The following TMEM156 variants were observed in gnomAD, a reference collection of about 807,000 sequenced individuals.
The protein encoded by TMEM156 is transmembrane protein 156.
TMEM156 carries 28 observed loss-of-function variants against 30.5 expected under a neutral mutation model. That is an observed-to-expected ratio of 0.92 (90% CI 0.68 to 1.26). The LOEUF (loss-of-function observed/expected upper bound fraction) is 1.26, where lower values mean the gene tolerates loss of function less well. Among genes scored for constraint, TMEM156 ranks in the 50% most tolerant of loss-of-function variants. TMEM156 has a pLI of 0.00. For synonymous variants in TMEM156, 137 were observed against 119.9 expected (o/e 1.14, Z -0.93); for missense variants, 351 against 340.6 (o/e 1.03, Z -0.24).
intron 1 of TMEM156, among the ~76,000 whole-genome samples, chr4:39,016,891 C>A (rs1290629878): frequency 6.6e-6 from 1 of 152,140 alleles, no homozygotes; most frequent in Non-Finnish European, 1.5e-5. Context: ...TTAAGTTCCA[C>A]ATGGCTGGGG....
chr4:39,005,598 C>G (rs1713675285), intron 1 of TMEM156, among the ~76,000 whole-genome samples: 1 of 147,338 alleles, frequency 6.8e-6, no homozygotes, highest in Admixed American at 6.6e-5. Context: ...CAAGAAGAAA[C>G]TTTTAGGAGT....
At chr4:38,992,713 T>TATATATATA (rs1712586410) in intron 3 of TMEM156, among the ~76,000 whole-genome samples, 5 of 46,642 alleles carry the variant, frequency 1.1e-4, no homozygotes, top group African/African-American at 2.8e-4. Context: ...ATATATATAT[T>TATATATATA]ATATATATAT....
chr4:39,015,012 C>T (rs990878554), intron 1 of TMEM156, among the ~76,000 whole-genome samples: 4 of 152,130 alleles, frequency 2.6e-5, no homozygotes, highest in African/African-American at 7.2e-5. Flanking sequence ...TGTTGTAAAA[C>T]TCTTGAGCTT....
chr4:39,023,374 C>T (rs910680628), intron 1 of TMEM156, among the ~76,000 whole-genome samples: 7 of 152,200 alleles, frequency 4.6e-5, no homozygotes, highest in African/African-American at 1.4e-4. Flanking sequence ...CTGACACAAA[C>T]ATTTGTACAA....
chr4:38,999,067 C>T (rs1019816733), intron 1 of TMEM156, among the ~76,000 whole-genome samples, 158 bp from the exon 2 acceptor site: 4 of 150,998 alleles, frequency 2.6e-5, no homozygotes, highest in African/African-American at 7.3e-5. Context: ...TTAACAATAA[C>T]TATTCCATTT....
intron 5 of TMEM156, among the ~76,000 whole-genome samples, chr4:38,976,044 C>T (rs546784338): frequency 1.6e-4 from 24 of 151,800 alleles, no homozygotes; most frequent in Non-Finnish European, 2.5e-4. Context: ...CCCAGCACTT[C>T]GGGAGGCCAA....
chr4:39,000,905 A>T (rs145253454), intron 1 of TMEM156, among the ~76,000 whole-genome samples: 14 of 152,262 alleles, frequency 9.2e-5, no homozygotes, highest in Admixed American at 3.3e-4. Context: ...TAATTTAATT[A>T]AATTAAATGC....
rs1056239426 is a variant in TMEM156, at chr4:38,967,016, G to C, written c.*664C>G. The C allele has an allele frequency of 6.6e-6, 1 of 151,902 alleles. No homozygotes were observed. Among genetic ancestry groups the C allele is most frequent in the Admixed American group, 6.6e-5 (1 of 15,246 alleles). 9.4% of individuals were successfully genotyped at this position (151,902 alleles called of 1,614,324 possible). A position where few individuals can be genotyped will look rare whatever the true frequency, so the allele number is the denominator to read the frequency against. On this transcript the variant is annotated 3_prime_UTR_variant, in exon 7 of 7. Coordinates refer to ENST00000381938, the MANE Select transcript of TMEM156 (RefSeq NM_024943.3). The stretch of plus-strand genomic sequence containing the variant: ...AGGGTTTCACCATGTTGGCCAGGAT[G>C]GTCTCGATCCCTTGACCTCATGATC...
At chr4:39,018,682 T>A (rs895576137) in intron 1 of TMEM156, among the ~76,000 whole-genome samples, 2 of 152,200 alleles carry the variant, frequency 1.3e-5, no homozygotes, top group Non-Finnish European at 2.9e-5. Context: ...AGACTATTGT[T>A]CCTTTAAACT....
At chr4:38,988,552 T>C (rs1712168870) in intron 4 of TMEM156, among the ~76,000 whole-genome samples, 1 of 152,126 alleles carries the variant, frequency 6.6e-6, no homozygotes. Flanking sequence ...TATCCCCACT[T>C]CCTGTTCTTC....
intron 4 of TMEM156, among the ~76,000 whole-genome samples, chr4:38,986,853 G>GAAAAAAAAAAAAAAAAAAAAAAAAA (rs1712036216): frequency 2.4e-5 from 2 of 84,072 alleles, no homozygotes; most frequent in South Asian, 4.2e-4. Flanking sequence ...AAAAAAAAAG[G>GAAAAAAAAAAAAAAAAAAAAAAAAA]AAAGCGACAG....
intron 1 of TMEM156, among the ~76,000 whole-genome samples, chr4:39,026,551 C>G (rs1017812728): frequency 6.6e-6 from 1 of 152,016 alleles, no homozygotes; most frequent in Non-Finnish European, 1.5e-5. Context: ...TTGCCAACAC[C>G]TAGTGCCTAA....
At position 38,981,617 on chromosome 4, in the gene TMEM156, T is replaced by A. The variant is rs1034974784; in HGVS notation, c.823+4719A>T. The stretch of plus-strand genomic sequence containing the variant: ...AGTGCATCAGTTGGACAGAACTGAG[T>A]TTGAACCCTGGCTCTGTTAGAAACC... On this transcript the variant is annotated intron_variant, in intron 5 of 6. Coordinates refer to ENST00000381938, the MANE Select transcript of TMEM156 (RefSeq NM_024943.3). Among the ~76,000 whole-genome samples the A allele has an allele frequency of 1.3e-5, 2 of 152,162 alleles. 1 individual carries two copies.
chr4:38,972,242 A>ATTTTTTTTTTT lies in TMEM156; in HGVS notation c.824-1116_824-1106dup, dbSNP rs144479056. On this transcript the variant is annotated intron_variant, in intron 5 of 6. Transcript: ENST00000381938. The stretch of plus-strand genomic sequence containing the variant: ...AAATACTGTAGAACCTTCTCTGGGA[A>ATTTTTTTTTTT]TTTTTTTTTTTTTTTTTTTTTTTTT... Among the ~76,000 whole-genome samples, 536 of 75,848 alleles carry ATTTTTTTTTTT rather than the reference A, an allele frequency of 7.1e-3. 14 individuals are homozygous for ATTTTTTTTTTT. Among genetic ancestry groups the ATTTTTTTTTTT allele is most frequent in the East Asian group, 0.019 (44 of 2,294 alleles). The allele number at this position is 75,848 out of a possible 152,430, so 49.8% of individuals were successfully genotyped here. A position where few individuals can be genotyped will look rare whatever the true frequency, so the allele number is the denominator to read the frequency against.
chr4:38,972,564 T>C lies in TMEM156; in HGVS notation c.824-1427A>G, dbSNP rs187846342. Among the ~76,000 whole-genome samples, 1,008 of 151,956 alleles carry C rather than the reference T, an allele frequency of 6.6e-3. 1 individual carries two copies. The highest frequency in any genetic ancestry group is 0.024 in the Middle Eastern group (7 of 294). On this transcript the variant is annotated intron_variant, in intron 5 of 6. Transcript: ENST00000381938. ...CCATTCCCTGCCTCTTTCTTTCTTT[T>C]TTTTTTTTTCTGGGGAGTAGTGGGG...
chr4:39,000,764 G>A (rs1035402708), intron 1 of TMEM156, among the ~76,000 whole-genome samples: 7 of 151,998 alleles, frequency 4.6e-5, no homozygotes, highest in Admixed American at 3.9e-4. Flanking sequence ...GTGGGCACCT[G>A]TAGTCCCAGC....
chr4:38,981,419 A>G (rs115124762), intron 5 of TMEM156, among the ~76,000 whole-genome samples: 153 of 152,330 alleles, frequency 1.0e-3, no homozygotes, highest in African/African-American at 3.5e-3. Context: ...CAGTGCCACA[A>G]TGAGGATGAC....
chr4:38,972,191 A>G (rs1722630338), intron 5 of TMEM156, among the ~76,000 whole-genome samples: 1 of 150,670 alleles, frequency 6.6e-6, no homozygotes, highest in Non-Finnish European at 1.5e-5. Context: ...CTTCTTGTCC[A>G]TGAAGATGAT....
At chr4:39,014,277 T>C (rs1451567424) in intron 1 of TMEM156, among the ~76,000 whole-genome samples, 2 of 152,198 alleles carry the variant, frequency 1.3e-5, no homozygotes, top group African/African-American at 4.8e-5. Flanking sequence ...AAGAATTTCA[T>C]AAACTTAATG....
Sources: gnomAD v4.1 joint callset for allele counts (sites outside exome capture counted in the v4.1 genomes callset) on GRCh38, gnomAD v4.1.1 for gene constraint, MANE v1.5 for transcripts, NCBI Gene and HGNC (gene_info 2026-07-23, HGNC 2026-07-21) for gene names.